The following MYT1L variants were observed in gnomAD, a reference collection of about 807,000 sequenced individuals.
The protein encoded by MYT1L is myelin transcription factor 1 like.
A neutral mutation model predicts 126.7 loss-of-function variants in MYT1L; 12 were observed. The observed-to-expected ratio is 0.09, with a 90% CI of 0.06 to 0.15. MYT1L has a LOEUF of 0.15. MYT1L is among the 10% of genes least tolerant of loss of function. The pLI, the probability that MYT1L is intolerant of heterozygous loss-of-function variation, is 1.00. For synonymous variants in MYT1L, 541 were observed against 604.2 expected, an observed-to-expected ratio of 0.90 and a Z score of 1.53; for missense variants, 979 against 1,585.2, an observed-to-expected ratio of 0.62 and a Z score of 6.49.
intron 8 of MYT1L, among the ~76,000 whole-genome samples, chr2:1,949,077 G>C (rs1316771856): frequency 6.6e-6 from 1 of 152,042 alleles, no homozygotes; most frequent in African/African-American, 2.4e-5. Context: ...GTTCTCTGTT[G>C]ACAAAATACC....
At chr2:2,294,778 T>C (rs2095647303) in intron 1 of MYT1L, among the ~76,000 whole-genome samples, 1 of 152,192 alleles carries the variant, frequency 6.6e-6, no homozygotes, top group Non-Finnish European at 1.5e-5. Flanking sequence ...AAGAAATCAA[T>C]TATTAAGTAT....
chr2:1,853,602 T>C (rs1459476305), intron 18 of MYT1L, among the ~76,000 whole-genome samples: 1 of 152,236 alleles, frequency 6.6e-6, no homozygotes, highest in African/African-American at 2.4e-5. Flanking sequence ...GTGGTGCATG[T>C]ATCTGTATTA....
chr2:1,792,200 G>A (rs2032224611), intron 24 of MYT1L, 121 bp downstream of exon 24: 7 of 1,361,370 alleles, frequency 5.1e-6, no homozygotes, highest in Non-Finnish European at 6.8e-6. Context: ...TTTCGGGGTG[G>A]TAACCACAAA....
intron 21 of MYT1L, among the ~76,000 whole-genome samples, chr2:1,819,237 A>G (rs902010106): frequency 6.6e-6 from 1 of 152,218 alleles, no homozygotes; most frequent in African/African-American, 2.4e-5. Context: ...TTGAAGAGCC[A>G]CTTCCATAGG....
chr2:2,048,797 GT>G (rs2068484090), intron 4 of MYT1L, among the ~76,000 whole-genome samples: 1 of 152,112 alleles, frequency 6.6e-6, no homozygotes. Context: ...ATTGTCCTCA[GT>G]TAGGAGGAAG....
intron 3 of MYT1L, among the ~76,000 whole-genome samples, chr2:2,154,082 T>A (rs1220619097): frequency 6.6e-6 from 1 of 152,166 alleles, no homozygotes; most frequent in East Asian, 1.9e-4. Flanking sequence ...TTTGTCCTCC[T>A]AAGGGGCTCA....
intron 4 of MYT1L, among the ~76,000 whole-genome samples, chr2:2,003,616 A>G (rs1019954819): frequency 1.1e-4 from 17 of 151,876 alleles, no homozygotes; most frequent in African/African-American, 3.6e-4. Flanking sequence ...CCCCTTCTCT[A>G]TGTCTTTGTG....
intron 4 of MYT1L, among the ~76,000 whole-genome samples, chr2:2,011,502 G>A (rs1430804131): frequency 6.6e-6 from 1 of 150,466 alleles, no homozygotes; most frequent in Non-Finnish European, 1.5e-5. Flanking sequence ...AAAAGCATGA[G>A]CAATTAAAAA....
chr2:2,058,923 A>G (rs1047769063), intron 3 of MYT1L, among the ~76,000 whole-genome samples: 1 of 152,166 alleles, frequency 6.6e-6, no homozygotes, highest in Admixed American at 6.5e-5. Flanking sequence ...GCGATTGAGG[A>G]TGATTAAAGA....
intron 2 of MYT1L, among the ~76,000 whole-genome samples, chr2:2,204,361 A>T (rs1237961175): frequency 6.6e-6 from 1 of 151,554 alleles, no homozygotes; most frequent in Non-Finnish European, 1.5e-5. Context: ...CAACCTACTC[A>T]TCTGACAAAG....
chr2:2,009,928 G>T (rs1382140609), intron 4 of MYT1L, among the ~76,000 whole-genome samples: 2 of 146,822 alleles, frequency 1.4e-5, no homozygotes, highest in African/African-American at 2.5e-5. Context: ...TCATGAAAGG[G>T]TGTTGAACTT....
At chr2:1,808,719 G>C (rs907959624) in intron 22 of MYT1L, among the ~76,000 whole-genome samples, 4 of 152,148 alleles carry the variant, frequency 2.6e-5, no homozygotes, top group Non-Finnish European at 4.4e-5. Flanking sequence ...CTGTGGCCTG[G>C]GGTGGCCCCA....
At chr2:2,286,139 C>A (rs887939100) in intron 1 of MYT1L, among the ~76,000 whole-genome samples, 2 of 152,158 alleles carry the variant, frequency 1.3e-5, no homozygotes, top group Non-Finnish European at 2.9e-5. Flanking sequence ...TGTGCCACCA[C>A]CCCCGGCTAA....
At chr2:1,892,919 G>A (rs2049102781) in intron 14 of MYT1L, among the ~76,000 whole-genome samples, 1 of 152,014 alleles carries the variant, frequency 6.6e-6, no homozygotes, top group South Asian at 2.1e-4. Flanking sequence ...TTTTTTTCTA[G>A]AATTCTGATA....
At chr2:2,041,838 T>A (rs1194078783) in intron 4 of MYT1L, among the ~76,000 whole-genome samples, 2 of 152,204 alleles carry the variant, frequency 1.3e-5, no homozygotes, top group Non-Finnish European at 2.9e-5. Flanking sequence ...AACCATCATA[T>A]ACAGAACCTT....
chr2:2,196,754 A>T (rs1293286923), intron 2 of MYT1L, among the ~76,000 whole-genome samples: 2 of 151,976 alleles, frequency 1.3e-5, no homozygotes, highest in Admixed American at 6.6e-5. Context: ...TAGACAGAAT[A>T]AAGGAATAAT....
intron 2 of MYT1L, among the ~76,000 whole-genome samples, chr2:2,180,581 T>C (rs1048139296): frequency 3.0e-4 from 45 of 151,176 alleles, no homozygotes; most frequent in Non-Finnish European, 5.9e-4. Context: ...TACCTGTGTG[T>C]GCGCCTATGT....
At chr2:2,170,737 C>T (rs556293669) in intron 3 of MYT1L, among the ~76,000 whole-genome samples, 1 of 152,262 alleles carries the variant, frequency 6.6e-6, no homozygotes, top group East Asian at 1.9e-4. Flanking sequence ...TGACCATCCC[C>T]TGAGAGTCAA....
intron 2 of MYT1L, among the ~76,000 whole-genome samples, chr2:2,247,348 T>C (rs1469448904): frequency 6.6e-6 from 1 of 152,150 alleles, no homozygotes; most frequent in Non-Finnish European, 1.5e-5. Flanking sequence ...TGCATATATA[T>C]ATGCTCCCAA....
Sources: allele counts gnomAD v4.1 joint callset (sites outside exome capture counted in the v4.1 genomes callset), GRCh38; gene constraint gnomAD v4.1.1; transcripts MANE v1.5; gene names NCBI Gene and HGNC (gene_info 2026-07-23, HGNC 2026-07-21).